Variants in ROBO2 observed in about 807,000 individuals in gnomAD.
ROBO2 encodes roundabout guidance receptor 2.
In ROBO2, 53 loss-of-function variants were observed where a neutral mutation model predicts 160.8. The ratio of observed to expected loss-of-function variants is 0.33; its 90% CI spans 0.26 to 0.41. The LOEUF is 0.41. Ranked by LOEUF, ROBO2 falls within the 10% of genes least tolerant of loss-of-function variation. The pLI is 1.00. For missense variants in ROBO2, 1,577 were observed against 1,722.4 expected (o/e 0.92, Z 1.49); for synonymous variants, 664 against 611.7 (o/e 1.09, Z -1.26).
chr3:76,063,155 A>G (rs185594739), intron 2 of ROBO2, among the ~76,000 whole-genome samples: 11 of 152,256 alleles, frequency 7.2e-5, no homozygotes, highest in African/African-American at 2.4e-4. Context: ...ATAGTCTTTA[A>G]AGAGGGAATG....
chr3:76,864,403 T>C (rs573467292), intron 2 of ROBO2, among the ~76,000 whole-genome samples: 50 of 152,178 alleles, frequency 3.3e-4, no homozygotes, highest in African/African-American at 1.2e-3. Context: ...TCTTGATGAA[T>C]AGAAAAATTA....
intron 2 of ROBO2, among the ~76,000 whole-genome samples, chr3:76,728,399 C>A (rs1204307324): frequency 6.6e-6 from 1 of 152,156 alleles, no homozygotes; most frequent in Non-Finnish European, 1.5e-5. Flanking sequence ...TGACCTATTT[C>A]TTTTCCTAAA....
At chr3:76,816,651 A>G (rs1258642703) in intron 2 of ROBO2, among the ~76,000 whole-genome samples, 1 of 152,024 alleles carries the variant, frequency 6.6e-6, no homozygotes, top group East Asian at 1.9e-4. Context: ...CTATTGTGGA[A>G]GACAGTGTGG....
intron 2 of ROBO2, among the ~76,000 whole-genome samples, chr3:76,072,238 C>CAAA (rs34275508): frequency 6.7e-6 from 1 of 149,972 alleles, no homozygotes; most frequent in Non-Finnish European, 1.5e-5. Flanking sequence ...CTTTCCCCCG[C>CAAA]AAAAAAAAAT....
At chr3:77,246,701 C>G (rs552580924) in intron 2 of ROBO2, among the ~76,000 whole-genome samples, 1 of 152,146 alleles carries the variant, frequency 6.6e-6, no homozygotes, top group Non-Finnish European at 1.5e-5. Flanking sequence ...AATTCCAAAA[C>G]TATACTGTAC....
chr3:75,979,568 T>A lies in ROBO2; in HGVS notation c.109+41966T>A, dbSNP rs375570186. On this transcript the variant is annotated intron_variant, in intron 2 of 26. Coordinates refer to the ROBO2 transcript ENST00000487694. ...CACATGGAAATTCTCTTCTGGCACA[T>A]AATTTTTAGAGTTGTTAATGGAGAT... Among the ~76,000 whole-genome samples the A allele has an allele frequency of 5.3e-5, 8 of 151,632 alleles. No individual in the cohort carries two copies. The East Asian group carries it at 9.8e-4, about 19-fold the overall frequency.
intron 2 of ROBO2, among the ~76,000 whole-genome samples, chr3:76,790,830 G>C (rs1388687344): frequency 1.3e-5 from 2 of 151,534 alleles, no homozygotes; most frequent in Non-Finnish European, 3.0e-5. Flanking sequence ...TAAAAGCATG[G>C]GCCCTTGTGA....
chr3:76,385,501 G>T (rs547146171), intron 2 of ROBO2, among the ~76,000 whole-genome samples: 24 of 152,266 alleles, frequency 1.6e-4, no homozygotes, highest in Admixed American at 1.1e-3. Context: ...AAGAATTGAA[G>T]CAAAGAGATA....
chr3:77,087,894 A>G (rs1025701420), intron 1 of ROBO2, among the ~76,000 whole-genome samples: 3 of 152,132 alleles, frequency 2.0e-5, no homozygotes, highest in African/African-American at 7.2e-5. Flanking sequence ...AAGAATATAT[A>G]TATTTCTATT....
intron 2 of ROBO2, among the ~76,000 whole-genome samples, chr3:77,289,721 A>C (rs1010882991): frequency 1.3e-5 from 2 of 151,706 alleles, no homozygotes; most frequent in Non-Finnish European, 2.9e-5. Flanking sequence ...ATTGACGGTT[A>C]AACGGGTAAG....
chr3:76,956,294 A>T (rs2079250422), intron 2 of ROBO2, among the ~76,000 whole-genome samples: 1 of 152,198 alleles, frequency 6.6e-6, no homozygotes, highest in Non-Finnish European at 1.5e-5. Flanking sequence ...ACGGTGGCTC[A>T]CGCCTGTAAT....
At chr3:76,335,056 G>C (rs1238187620) in intron 2 of ROBO2, among the ~76,000 whole-genome samples, 2 of 150,814 alleles carry the variant, frequency 1.3e-5, no homozygotes, top group Non-Finnish European at 2.9e-5. Context: ...TTTTTGTAGA[G>C]ACAGGGTCTT....
intron 2 of ROBO2, among the ~76,000 whole-genome samples, chr3:76,518,441 G>A (rs895341652): frequency 3.9e-5 from 6 of 152,082 alleles, no homozygotes; most frequent in African/African-American, 1.2e-4. Flanking sequence ...GGTAGGAAAG[G>A]TAAGAGTGTG....
At chr3:77,074,038 T>A (rs1214234982) in intron 1 of ROBO2, among the ~76,000 whole-genome samples, 1 of 152,230 alleles carries the variant, frequency 6.6e-6, no homozygotes, top group East Asian at 1.9e-4. Flanking sequence ...GTGTTTTACA[T>A]CACCAGGGAA....
intron 2 of ROBO2, among the ~76,000 whole-genome samples, chr3:76,219,443 A>G (rs1703802674): frequency 6.6e-6 from 1 of 152,250 alleles, no homozygotes. Context: ...AAAGGCTAAT[A>G]TCCAGAATCT....
chr3:76,475,690 AT>A (rs1240143906), intron 2 of ROBO2, among the ~76,000 whole-genome samples: 1 of 152,116 alleles, frequency 6.6e-6, no homozygotes, highest in Non-Finnish European at 1.5e-5. Flanking sequence ...ATTTTTGCTG[AT>A]TTTATTCTAA....
chr3:75,931,675 A>C (rs1947547880), intron 1 of ROBO2, among the ~76,000 whole-genome samples: 1 of 152,150 alleles, frequency 6.6e-6, no homozygotes, highest in Non-Finnish European at 1.5e-5. Flanking sequence ...CTATATATAA[A>C]AATTTCATGT....
chr3:77,146,392 G>C (rs1229617271), intron 2 of ROBO2, among the ~76,000 whole-genome samples: 1 of 152,130 alleles, frequency 6.6e-6, no homozygotes, highest in African/African-American at 2.4e-5. Context: ...GGTAGTGGGT[G>C]ATGAAAGATG....
intron 2 of ROBO2, among the ~76,000 whole-genome samples, chr3:76,961,067 C>T (rs1295038400): frequency 6.6e-6 from 1 of 151,878 alleles, no homozygotes; most frequent in African/African-American, 2.4e-5. Context: ...AATAAGATTT[C>T]AATTTGGACC....
Sources: gnomAD v4.1 joint callset for allele counts (sites outside exome capture counted in the v4.1 genomes callset) on GRCh38, gnomAD v4.1.1 for gene constraint, MANE v1.5 for transcripts, NCBI Gene and HGNC (gene_info 2026-07-23, HGNC 2026-07-21) for gene names.